TMC5: variants seen among roughly 807,000 people sequenced by gnomAD.
TMC5 encodes transmembrane channel-like protein 5.
Under a neutral mutation model 110.5 loss-of-function variants are expected in TMC5, and 86 were observed. The ratio of observed to expected loss-of-function variants is 0.78; its 90% CI spans 0.65 to 0.93. The LOEUF is 0.93. TMC5 is among the 40% of genes least tolerant of loss of function. The pLI is 0.00. For missense variants in TMC5, 1,144 were observed against 1,222.8 expected, an observed-to-expected ratio of 0.94 and a Z score of 0.96; for synonymous variants, 455 against 439.5, an observed-to-expected ratio of 1.04 and a Z score of -0.44.
chr16:19,440,222 C>T lies in TMC5; in HGVS notation c.184C>T (p.Arg62Cys), dbSNP rs201217836. 9.3e-5 allele frequency: 150 copies of T among 1,614,138 alleles called. 1 individual carries two copies. The East Asian group carries it at 2.2e-3, about 23-fold the overall frequency. ...SNPYSVASRTRPDYPGSLAEP... is the reference protein window; with the variant it reads ...SNPYSVASRTCPDYPGSLAEP... ...TCCATACTCTGTAGCCTCCAGAACA[C>T]GTCCAGACTATCCTGGGTCTCTGGC... Residue 62 changes from arginine (R) to cysteine (C), a missense_variant, in exon 3 of 22, where the codon CGT becomes TGT. Physicochemically the swap from Arg to Cys is radical, Grantham distance 180. Transcript: ENST00000542583.
At chr16:19,456,978 G>A in intron 5 of TMC5, 1 of 1,613,538 alleles carries the variant, frequency 6.2e-7, no homozygotes, top group Non-Finnish European at 8.5e-7. Context: ...GAATGCATGG[G>A]CATAGACACT....
At chr16:19,491,493 AG>A (rs1202346360) in intron 18 of TMC5, among the ~76,000 whole-genome samples, 1 of 149,134 alleles carries the variant, frequency 6.7e-6, no homozygotes, top group Non-Finnish European at 1.5e-5. Context: ...CACTGGGGGA[AG>A]GGGGGAAAGG....
intron 20 of TMC5, among the ~76,000 whole-genome samples, chr16:19,494,697 C>G (rs534025949): frequency 6.6e-6 from 1 of 152,194 alleles, no homozygotes; most frequent in East Asian, 1.9e-4. Flanking sequence ...GCCCCAGCTA[C>G]TTGGGAGGCT....
At chr16:19,494,105 C>A (rs1968988010) in intron 19 of TMC5, among the ~76,000 whole-genome samples, 157 bp from the exon 20 acceptor site, 1 of 152,102 alleles carries the variant, frequency 6.6e-6, no homozygotes, top group East Asian at 1.9e-4. Context: ...TGAAATGTTT[C>A]TTTTCTTTCA....
In TMC5 at chr16:19,439,973, A is replaced by C. The variant is rs1967442643; in HGVS notation, c.-66A>C. The C allele has an allele frequency of 7.4e-7, 1 of 1,358,688 alleles. No homozygotes were observed. Among genetic ancestry groups the C allele is most frequent in the Non-Finnish European group, 1.0e-6 (1 of 993,288 alleles). 84.2% of individuals were successfully genotyped at this position (1,358,688 alleles called of 1,614,324 possible). A position where few individuals can be genotyped will look rare whatever the true frequency, so the allele number is the denominator to read the frequency against. On this transcript the variant is annotated 5_prime_UTR_variant, in exon 3 of 22. Coordinates refer to ENST00000542583, the MANE Select transcript of TMC5 (RefSeq NM_001261841.2). ...CTTGTTTTTCAGGTGAAAAAAAAAA[A>C]AGATCCCTGAGTAATTGCAAATGCT...
intron 14 of TMC5, among the ~76,000 whole-genome samples, chr16:19,480,382 C>T (rs1274434781): frequency 6.6e-6 from 1 of 152,058 alleles, no homozygotes; most frequent in African/African-American, 2.4e-5. Flanking sequence ...TTTCCGCAAG[C>T]TGCTCTAGTA....
intron 1 of TMC5, among the ~76,000 whole-genome samples, chr16:19,425,988 A>G (rs1009327155): frequency 6.6e-6 from 1 of 152,204 alleles, no homozygotes; most frequent in African/African-American, 2.4e-5. Flanking sequence ...CACCCAGCCA[A>G]TAGCACCTAT....
chr16:19,440,706 C>T lies in TMC5; in HGVS notation c.668C>T (p.Pro223Leu), dbSNP rs772394226. Residue 223 changes from proline to leucine, a missense_variant, in exon 3 of 22, where the codon CCA becomes CTA. Transcript: ENST00000542583. The stretch of plus-strand genomic sequence containing the variant: ...AACTCTCCACCCTTTTTTGGGGAGC[C>T]AGACTATCCCAGTGCTGAGGACAAT... ...QPNSPPFFGE[P>L]DYPSAEDNQN... 26 of 1,614,048 alleles carry T rather than the reference C, an allele frequency of 1.6e-5. No individual in the cohort carries two copies. Among genetic ancestry groups the T allele is most frequent in the Admixed American group, 6.7e-5 (4 of 60,008 alleles).
chr16:19,413,399 C>T (rs1001264555), upstream of TMC5, among the ~76,000 whole-genome samples: 2 of 151,784 alleles, frequency 1.3e-5, no homozygotes, highest in Non-Finnish European at 2.9e-5. Context: ...TGGTGCATGC[C>T]TGTGGTTCCA....
rs769075056 is a variant in TMC5, at chr16:19,477,498, G to A, written c.2149G>A (p.Val717Met). The A allele has an allele frequency of 1.6e-5, 25 of 1,610,838 alleles. No homozygotes were observed. In the Middle Eastern group the frequency reaches 6.6e-4, roughly 42 times the overall value. The change falls in exon 13 of 22, where the codon GTG becomes ATG. Residue 717 changes from valine to methionine, a missense_variant. By Grantham distance (21) the Val-to-Met change is conservative. Coordinates refer to ENST00000542583, the MANE Select transcript of TMC5 (RefSeq NM_001261841.2). The stretch of plus-strand genomic sequence containing the variant: ...TCTTTGTTACTATTGGCTCAACACC[G>A]TGGCCCTGTCTGGTGAAGAGGTGAG... ...GILCYYWLNT[V>M]ALSGEECWET...
At chr16:19,463,490 G>T in intron 7 of TMC5, 123 bp downstream of exon 7, 1 of 917,058 alleles carries the variant, frequency 1.1e-6, no homozygotes, top group Non-Finnish European at 1.8e-6. Flanking sequence ...CAGAGCCAAC[G>T]GTTAGTACAG....
chr16:19,429,861 A>C (rs1317404878), intron 1 of TMC5, among the ~76,000 whole-genome samples: 1 of 151,810 alleles, frequency 6.6e-6, no homozygotes, highest in African/African-American at 2.4e-5. Flanking sequence ...TGCCTGGCCC[A>C]AAGTTCCCCT....
At chr16:19,414,741 G>A (rs192674303), upstream of TMC5, among the ~76,000 whole-genome samples, 619 of 151,126 alleles carry the variant, frequency 4.1e-3, 4 homozygotes, top group African/African-American at 0.014. Context: ...ACCACCCCCC[G>A]ATCTCGACAA....
chr16:19,488,409 C>T (rs191327741), intron 17 of TMC5, among the ~76,000 whole-genome samples: 11 of 152,084 alleles, frequency 7.2e-5, no homozygotes, highest in Non-Finnish European at 1.3e-4. Flanking sequence ...GATGCCCCCC[C>T]ACCCCGTTCC....
chr16:19,497,384 C>T (rs568702235), intron 21 of TMC5, among the ~76,000 whole-genome samples: 3 of 152,206 alleles, frequency 2.0e-5, no homozygotes, highest in Non-Finnish European at 4.4e-5. Flanking sequence ...TCCGTTCTTA[C>T]CCATGTTAGT....
chr16:19,477,751 C>T (rs893779642), intron 13 of TMC5, among the ~76,000 whole-genome samples: 4 of 152,278 alleles, frequency 2.6e-5, no homozygotes, highest in Middle Eastern at 3.4e-3. Flanking sequence ...TGTCATCTTC[C>T]GAGTCACTTA....
At chr16:19,457,562 C>A (rs941015028) in intron 5 of TMC5, among the ~76,000 whole-genome samples, 3 of 151,896 alleles carry the variant, frequency 2.0e-5, no homozygotes, top group African/African-American at 7.3e-5. Flanking sequence ...TTTTGTTATC[C>A]ATCGAATTTT....
chr16:19,481,733 C>T (rs1285848345), intron 15 of TMC5, among the ~76,000 whole-genome samples: 1 of 152,168 alleles, frequency 6.6e-6, no homozygotes, highest in African/African-American at 2.4e-5. Flanking sequence ...TTTCTTTTGT[C>T]CCTAAAAATA....
intron 3 of TMC5, among the ~76,000 whole-genome samples, chr16:19,443,644 A>G (rs1967539956): frequency 1.3e-5 from 2 of 152,334 alleles, no homozygotes; most frequent in South Asian, 4.1e-4. Context: ...GTTGGCATTT[A>G]GTCTGCATTT....
Sources: allele counts gnomAD v4.1 joint callset (sites outside exome capture counted in the v4.1 genomes callset), GRCh38; gene constraint gnomAD v4.1.1; transcripts MANE v1.5; gene names NCBI Gene and HGNC (gene_info 2026-07-23, HGNC 2026-07-21).